The following BCAR3 variants were observed in gnomAD, a reference collection of about 807,000 sequenced individuals.
BCAR3 encodes BCAR3 adaptor protein, NSP family member, also known as breast cancer anti-estrogen resistance protein 3.
In BCAR3, 37 loss-of-function variants were observed where a neutral mutation model predicts 80.1. The ratio of observed to expected loss-of-function variants is 0.46; its 90% CI spans 0.36 to 0.61. BCAR3 has a LOEUF of 0.61. Among genes scored for constraint, BCAR3 ranks in the 20% least tolerant of loss-of-function variants. BCAR3 has a pLI of 0.00. For missense variants in BCAR3, 978 were observed against 1,068.2 expected (o/e 0.92, Z 1.18); for synonymous variants, 389 against 418.9 (o/e 0.93, Z 0.87).
chr1:93,567,889 A>G, intron 9 of BCAR3, 38 bp from the exon 10 acceptor site: 1 of 1,558,942 alleles, frequency 6.4e-7, no homozygotes, highest in African/African-American at 1.4e-5. Flanking sequence ...GGTTCTTTTT[A>G]AAATTACCTT....
chr1:93,606,823 G>A (rs1455277818), intron 3 of BCAR3, among the ~76,000 whole-genome samples: 1 of 152,202 alleles, frequency 6.6e-6, no homozygotes, highest in Non-Finnish European at 1.5e-5. Flanking sequence ...TGGACAGGAA[G>A]GACACAGGAG....
Position 93,744,486 on chromosome 1 carries a change from C to T in BCAR3, c.-62-38344G>A, listed in dbSNP as rs148504973. Among the ~76,000 whole-genome samples the T allele has an allele frequency of 2.4e-3, 360 of 152,316 alleles. 1 individual carries two copies. The highest frequency in any genetic ancestry group is 4.1e-3 in the Non-Finnish European group (278 of 68,024). On this transcript the variant is annotated intron_variant, in intron 2 of 13. Coordinates refer to the BCAR3 transcript ENST00000370244. ...AGAATCTGGGACCTTCCTTGGATCT[C>T]TCTCAGTCCACCAATCTGTATTGTA...
chr1:93,700,471 A>G (rs1178502993), intron 3 of BCAR3, among the ~76,000 whole-genome samples: 1 of 152,228 alleles, frequency 6.6e-6, no homozygotes, highest in Non-Finnish European at 1.5e-5. Context: ...CTGGCCTAGG[A>G]AATCCTTAAA....
At chr1:93,692,593 G>T (rs1649234187) in intron 3 of BCAR3, among the ~76,000 whole-genome samples, 1 of 152,188 alleles carries the variant, frequency 6.6e-6, no homozygotes. Context: ...GGGTTATTAA[G>T]CCCTTTTTAT....
intron 2 of BCAR3, among the ~76,000 whole-genome samples, chr1:93,712,098 G>A (rs1650045287): frequency 1.3e-5 from 2 of 152,216 alleles, no homozygotes; most frequent in Admixed American, 1.3e-4. Context: ...CCTACAAACT[G>A]GAGGTGGCTA....
intron 3 of BCAR3, among the ~76,000 whole-genome samples, chr1:93,614,835 G>A (rs1222853839): frequency 6.6e-6 from 1 of 151,836 alleles, no homozygotes; most frequent in Non-Finnish European, 1.5e-5. Context: ...TACCCACTTT[G>A]CGTAACCTAG....
intron 2 of BCAR3, among the ~76,000 whole-genome samples, chr1:93,739,666 T>A (rs1183015016): frequency 1.3e-5 from 2 of 152,206 alleles, no homozygotes; most frequent in Non-Finnish European, 2.9e-5. Flanking sequence ...CATTGTGCAC[T>A]GAGCCCTACC....
intron 3 of BCAR3, among the ~76,000 whole-genome samples, chr1:93,627,703 A>C (rs1166089208): frequency 2.0e-5 from 3 of 152,254 alleles, no homozygotes; most frequent in African/African-American, 7.2e-5. Flanking sequence ...AAATAAGTTA[A>C]ATAAACATTT....
At chr1:93,828,748 G>A (rs1654460401) in intron 2 of BCAR3, among the ~76,000 whole-genome samples, 1 of 152,080 alleles carries the variant, frequency 6.6e-6, no homozygotes, top group African/African-American at 2.4e-5. Context: ...AGGCCGGAGT[G>A]CAGTGGCACG....
intron 2 of BCAR3, among the ~76,000 whole-genome samples, chr1:93,732,064 A>G (rs1650809740): frequency 6.6e-6 from 1 of 152,148 alleles, no homozygotes; most frequent in Admixed American, 6.5e-5. Context: ...GAGAGACTCT[A>G]CTCTCCAGGG....
chr1:93,701,253 AGCTGTGTG>A (rs1478860664), intron 3 of BCAR3, among the ~76,000 whole-genome samples: 3 of 152,140 alleles, frequency 2.0e-5, no homozygotes, highest in African/African-American at 7.2e-5. Flanking sequence ...CCTTGAAGGG[AGCTGTGTG>A]GCTGAGTTCT....
intron 2 of BCAR3, among the ~76,000 whole-genome samples, chr1:93,737,090 C>T (rs186992662): frequency 3.3e-5 from 5 of 152,222 alleles, no homozygotes; most frequent in Non-Finnish European, 7.4e-5. Context: ...AGATATGTGA[C>T]CATTTTTAAG....
intron 3 of BCAR3, among the ~76,000 whole-genome samples, chr1:93,693,794 G>A (rs1649284534): frequency 6.6e-6 from 1 of 152,198 alleles, no homozygotes; most frequent in African/African-American, 2.4e-5. Flanking sequence ...AAACTCGAAA[G>A]TAGCTCCAGG....
rs180726950 is a variant in BCAR3, at chr1:93,823,933, C to T, written c.-63+21634G>A. Among the ~76,000 whole-genome samples, 4 of 133,352 alleles carry T rather than the reference C, an allele frequency of 3.0e-5. 2 individuals carry two copies. The highest frequency in any genetic ancestry group is 5.9e-4 in the East Asian group (2 of 3,414). 87.5% of individuals were successfully genotyped at this position (133,352 alleles called of 152,430 possible). ...CAGGATGGTCTCAATCTCCTGACCT[C>T]GTGATCCACCCTCCTCGGCCTCCCA... is the stretch of plus-strand genomic sequence containing the variant. On this transcript the variant is annotated intron_variant, in intron 2 of 13. Coordinates refer to the BCAR3 transcript ENST00000370244.
intron 2 of BCAR3, among the ~76,000 whole-genome samples, chr1:93,674,364 T>C (rs941021792): frequency 2.0e-5 from 3 of 152,230 alleles, no homozygotes; most frequent in African/African-American, 7.2e-5. Flanking sequence ...CAAGTGATTC[T>C]CCTGCCTTAG....
chr1:93,840,263 T>C (rs549558464), intron 2 of BCAR3, among the ~76,000 whole-genome samples: 17 of 152,276 alleles, frequency 1.1e-4, no homozygotes, highest in Non-Finnish European at 2.4e-4. Context: ...ATATGTGAAC[T>C]TGGGGACAGG....
At chr1:93,720,014 T>C (rs1650337126) in intron 2 of BCAR3, among the ~76,000 whole-genome samples, 1 of 152,220 alleles carries the variant, frequency 6.6e-6, no homozygotes, top group Admixed American at 6.5e-5. Context: ...GCTCATGTAA[T>C]TTTCCTGGGC....
At chr1:93,749,802 G>A (rs1290839905) in intron 2 of BCAR3, among the ~76,000 whole-genome samples, 5 of 151,582 alleles carry the variant, frequency 3.3e-5, no homozygotes, top group Admixed American at 6.6e-5. Flanking sequence ...AATTGCACCT[G>A]CACAAATTTA....
At position 93,589,269 on chromosome 1, in the gene BCAR3, T is replaced by C. The variant is rs1448817125; in HGVS notation, c.637A>G (p.Ser213Gly). 2 of 1,614,232 alleles carry C rather than the reference T, an allele frequency of 1.2e-6. No individual in the cohort carries two copies. The highest frequency in any genetic ancestry group is 1.7e-6 in the Non-Finnish European group (2 of 1,180,046). Reference sequence around the variant, plus strand: ...ATCTCGAACTGGTACTGCACGCGGCTGTAGGCCTCGCTGAGTCGCAGAACT... The same window carrying C: ...ATCTCGAACTGGTACTGCACGCGGCCGTAGGCCTCGCTGAGTCGCAGAACT... The part of the protein sequence containing the change: ...RTVLRLSEAY[S>G]RVQYQFEMES... Residue 213 changes from serine (S) to glycine (G), a missense_variant, in exon 5 of 12, where the codon AGC (serine) becomes GGC (glycine). By Grantham distance (56) the Ser-to-Gly change is moderately conservative. Transcript: ENST00000260502.
Sources: gnomAD v4.1 joint callset for allele counts (sites outside exome capture counted in the v4.1 genomes callset) on GRCh38, gnomAD v4.1.1 for gene constraint, MANE v1.5 for transcripts, NCBI Gene and HGNC (gene_info 2026-07-23, HGNC 2026-07-21) for gene names.